SMIM41: variants seen among roughly 807,000 people sequenced by gnomAD.
SMIM41 encodes the protein small integral membrane protein 41.
Position 52,079,752 on chromosome 12 carries a change from G to A in SMIM41, c.-28G>A, listed in dbSNP as rs1939790118. ...GGGCTCCTGCACATCTGGCGATCCC[G>A]CCACATCTGGGCAGCCGGCGCTGGA... On this transcript the variant is annotated 5_prime_UTR_variant, in exon 1 of 3. Coordinates refer to ENST00000546390, the MANE Select transcript of SMIM41 (RefSeq NM_001369216.1). The A allele has an allele frequency of 2.5e-6, 1 of 392,754 alleles. No individual in the cohort carries two copies. The allele number at this position is 392,754 out of a possible 1,614,324, so 24.3% of individuals were successfully genotyped here.
At chr12:52,100,920 C>T (rs1248103235) in intron 2 of SMIM41, among the ~76,000 whole-genome samples, 5 of 152,104 alleles carry the variant, frequency 3.3e-5, no homozygotes, top group Non-Finnish European at 5.9e-5. Context: ...CATTCTGAGA[C>T]ATTTTAAAAA....
chr12:52,098,648 G>C (rs1282889173), intron 2 of SMIM41, among the ~76,000 whole-genome samples: 2 of 148,210 alleles, frequency 1.3e-5, no homozygotes, highest in Non-Finnish European at 3.0e-5. Context: ...TAGATATTAG[G>C]AAAAATGTAA....
At position 52,108,241 on chromosome 12, in the gene SMIM41, G is replaced by A. The variant is rs532655251; in HGVS notation, c.*1058G>A. 1.2e-5 allele frequency: 2 copies of A among 171,822 alleles called. No homozygotes were observed. Among genetic ancestry groups the A allele is most frequent in the East Asian group, 1.7e-4 (1 of 5,778 alleles). 10.6% of individuals were successfully genotyped at this position (171,822 alleles called of 1,614,324 possible). A position where few individuals can be genotyped will look rare whatever the true frequency, so the allele number is the denominator to read the frequency against. ...AACAGGGATATTAAAAGTGTCTTGCGGCGGCCGCACGGCAGCACTGTCTAA... is the reference window on the plus strand; with the variant it reads ...AACAGGGATATTAAAAGTGTCTTGCAGCGGCCGCACGGCAGCACTGTCTAA... On this transcript the variant is annotated 3_prime_UTR_variant, in exon 3 of 3. Coordinates refer to ENST00000546390, the MANE Select transcript of SMIM41 (RefSeq NM_001369216.1).
intron 2 of SMIM41, among the ~76,000 whole-genome samples, chr12:52,090,225 C>T (rs1039707702): frequency 5.3e-5 from 8 of 152,088 alleles, no homozygotes; most frequent in Non-Finnish European, 8.8e-5. Context: ...CACGCAACCA[C>T]CACACCTGGC....
chr12:52,107,328 A>T, intron 2 of SMIM41, 51 bp from the exon 3 acceptor site: 1 of 477,644 alleles, frequency 2.1e-6, no homozygotes, highest in Non-Finnish European at 4.2e-6. Context: ...AGTTGTCCAA[A>T]CTATACAGAC....
At chr12:52,088,869 T>C (rs1242074307) in intron 2 of SMIM41, among the ~76,000 whole-genome samples, 4 of 152,084 alleles carry the variant, frequency 2.6e-5, no homozygotes, top group Non-Finnish European at 5.9e-5. Flanking sequence ...CCTGTGTCTC[T>C]CACTACTGTC....
chr12:52,083,729 C>T (rs1565664882), intron 1 of SMIM41, among the ~76,000 whole-genome samples, 165 bp from the exon 2 acceptor site: 1 of 152,178 alleles, frequency 6.6e-6, no homozygotes, highest in East Asian at 1.9e-4. Flanking sequence ...TTCTAGATTG[C>T]AAAACTTTCC....
At chr12:52,098,540 T>C (rs1221346566) in intron 2 of SMIM41, among the ~76,000 whole-genome samples, 1 of 150,524 alleles carries the variant, frequency 6.6e-6, no homozygotes. Flanking sequence ...CCCCGTTTGA[T>C]ATTTGATATC....
chr12:52,106,027 TA>T (rs1446929715), intron 2 of SMIM41, among the ~76,000 whole-genome samples: 1 of 150,828 alleles, frequency 6.6e-6, no homozygotes, highest in African/African-American at 2.5e-5. Context: ...AAAGTAAAGG[TA>T]AAGTGAATTT....
chr12:52,088,870 C>T (rs1216865112), intron 2 of SMIM41, among the ~76,000 whole-genome samples: 4 of 152,150 alleles, frequency 2.6e-5, no homozygotes, highest in Non-Finnish European at 5.9e-5. Flanking sequence ...CTGTGTCTCT[C>T]ACTACTGTCC....
At chr12:52,096,636 C>T (rs1335301446) in intron 2 of SMIM41, among the ~76,000 whole-genome samples, 14 of 151,036 alleles carry the variant, frequency 9.3e-5, no homozygotes, top group Admixed American at 2.0e-4. Context: ...AGATCAGTAC[C>T]GGTTATTAAT....
chr12:52,097,473 C>G (rs1940120649), intron 2 of SMIM41, among the ~76,000 whole-genome samples: 1 of 152,034 alleles, frequency 6.6e-6, no homozygotes, highest in South Asian at 2.1e-4. Context: ...GGACACTCCC[C>G]GCTGATGCGC....
intron 2 of SMIM41, among the ~76,000 whole-genome samples, chr12:52,087,918 G>A (rs975999595): frequency 3.6e-4 from 55 of 152,190 alleles, no homozygotes; most frequent in African/African-American, 1.2e-3. Flanking sequence ...AAGTTCCTCT[G>A]GGCTCTCTCC....
At chr12:52,095,202 T>C (rs950138954) in intron 2 of SMIM41, among the ~76,000 whole-genome samples, 6 of 151,696 alleles carry the variant, frequency 4.0e-5, no homozygotes, top group African/African-American at 1.5e-4. Context: ...CGCTCCTTGG[T>C]CTCCCCACCG....
chr12:52,084,387 AAC>A (rs1939863031), intron 2 of SMIM41, among the ~76,000 whole-genome samples: 1 of 20,036 alleles, frequency 5.0e-5, no homozygotes, highest in Non-Finnish European at 8.5e-5. Context: ...AAAAAAAACA[AAC>A]AAAAAAAAAC....
At chr12:52,092,249 G>C (rs1425814466) in intron 2 of SMIM41, 1 of 152,172 alleles carries the variant, frequency 6.6e-6, no homozygotes, top group Non-Finnish European at 1.5e-5. Context: ...AACGTTACAA[G>C]AATTGTAGGG....
intron 2 of SMIM41, among the ~76,000 whole-genome samples, chr12:52,105,356 TC>T (rs1295704083): frequency 1.2e-4 from 18 of 152,186 alleles, no homozygotes; most frequent in Non-Finnish European, 2.1e-4. Flanking sequence ...CTCAAAGGAG[TC>T]ATAAATTCGG....
At chr12:52,085,378 C>T (rs184497909) in intron 2 of SMIM41, among the ~76,000 whole-genome samples, 409 of 152,308 alleles carry the variant, frequency 2.7e-3, no homozygotes, top group Middle Eastern at 6.8e-3. Context: ...GGCCCTGAAC[C>T]TCTCTGTGGC....
intron 2 of SMIM41, among the ~76,000 whole-genome samples, chr12:52,097,532 GAC>G (rs1176713192): frequency 6.6e-6 from 1 of 152,076 alleles, no homozygotes; most frequent in East Asian, 1.9e-4. Flanking sequence ...AGCCACTGTG[GAC>G]ACACAGTGTA....
Sources: allele counts gnomAD v4.1 joint callset (sites outside exome capture counted in the v4.1 genomes callset), GRCh38; gene constraint gnomAD v4.1.1; transcripts MANE v1.5; gene names NCBI Gene and HGNC (gene_info 2026-07-23, HGNC 2026-07-21).